The following RBFOX1 variants were observed in gnomAD, a reference collection of about 807,000 sequenced individuals.
The protein encoded by RBFOX1 is RNA binding protein fox-1 homolog 1.
Under a neutral mutation model 57.7 loss-of-function variants are expected in RBFOX1, and 8 were observed. The observed-to-expected ratio is 0.14, with a 90% CI of 0.08 to 0.25. RBFOX1 has a LOEUF of 0.25. Ranked by LOEUF, RBFOX1 falls within the 10% of genes least tolerant of loss-of-function variation. The pLI is 1.00. For synonymous variants in RBFOX1, 326 were observed against 222.4 expected (o/e 1.47, Z -4.15); for missense variants, 611 against 548.5 (o/e 1.11, Z -1.14).
At chr16:7,291,083 T>C (rs2095761891) in intron 4 of RBFOX1, among the ~76,000 whole-genome samples, 2 of 152,210 alleles carry the variant, frequency 1.3e-5, no homozygotes, top group Admixed American at 1.3e-4. Context: ...TTGGAGATGT[T>C]TTAACATGCA....
chr16:7,663,485 CGTGTGTGTGTCAGTACAGCGTGTGTGT>C (rs1368835589), intron 12 of RBFOX1, among the ~76,000 whole-genome samples: 1 of 148,652 alleles, frequency 6.7e-6, no homozygotes, highest in African/African-American at 2.5e-5. Context: ...GTCACAGCTG[CGTGTGTGTGTCAGTACAGCGTGTGTGT>C]GTGTGTGTGT....
chr16:7,004,584 T>C (rs1171793367), intron 3 of RBFOX1, among the ~76,000 whole-genome samples: 1 of 152,226 alleles, frequency 6.6e-6, no homozygotes, highest in Admixed American at 6.5e-5. Flanking sequence ...ATTAGTACAA[T>C]GAATTTCTAT....
intron 1 of RBFOX1, among the ~76,000 whole-genome samples, chr16:6,287,537 A>G (rs1001132864): frequency 6.6e-6 from 1 of 152,202 alleles, no homozygotes; most frequent in Non-Finnish European, 1.5e-5. Flanking sequence ...CTCATCTAGC[A>G]TCATTCTCAC....
chr16:7,586,504 A>T (rs978341643), intron 6 of RBFOX1, among the ~76,000 whole-genome samples: 1 of 152,242 alleles, frequency 6.6e-6, no homozygotes, highest in Non-Finnish European at 1.5e-5. Context: ...ATTAAGTATA[A>T]GTATGTCCCA....
intron 4 of RBFOX1, among the ~76,000 whole-genome samples, chr16:7,153,989 T>C (rs1483015128): frequency 6.6e-6 from 1 of 152,190 alleles, no homozygotes; most frequent in Non-Finnish European, 1.5e-5. Flanking sequence ...GACATCTGTG[T>C]GGATTTGATT....
chr16:7,371,148 C>T (rs2097558629), intron 4 of RBFOX1, among the ~76,000 whole-genome samples: 1 of 152,192 alleles, frequency 6.6e-6, no homozygotes. Flanking sequence ...TCTCCTTCTG[C>T]CCTTCTCCCT....
intron 1 of RBFOX1, among the ~76,000 whole-genome samples, chr16:6,202,710 G>A (rs1049542350): frequency 2.0e-5 from 3 of 152,078 alleles, no homozygotes; most frequent in Non-Finnish European, 4.4e-5. Context: ...AATCAATGCT[G>A]TATATTTGTA....
At chr16:7,309,957 C>G (rs1236740509) in intron 4 of RBFOX1, among the ~76,000 whole-genome samples, 1 of 152,206 alleles carries the variant, frequency 6.6e-6, no homozygotes, top group Non-Finnish European at 1.5e-5. Flanking sequence ...AAAGAAAGTT[C>G]CATTCATCAA....
chr16:6,596,574 G>A (rs144275693), intron 2 of RBFOX1, among the ~76,000 whole-genome samples: 140 of 143,266 alleles, frequency 9.8e-4, no homozygotes, highest in African/African-American at 4.2e-3. Context: ...TAAGAGATGG[G>A]TAATTCTTAA....
intron 5 of RBFOX1, among the ~76,000 whole-genome samples, chr16:7,518,675 A>G (rs569394750): frequency 6.6e-6 from 1 of 152,168 alleles, no homozygotes; most frequent in Admixed American, 6.5e-5. Context: ...TGTCATCCCA[A>G]TGAAATCTCA....
intron 1 of RBFOX1, among the ~76,000 whole-genome samples, chr16:5,394,320 C>G (rs1302635667): frequency 6.6e-6 from 1 of 152,170 alleles, no homozygotes; most frequent in Non-Finnish European, 1.5e-5. Flanking sequence ...TTGCGCCCAG[C>G]CAGCCATTTC....
At chr16:7,433,311 G>A (rs1304265306) in intron 4 of RBFOX1, among the ~76,000 whole-genome samples, 4 of 152,192 alleles carry the variant, frequency 2.6e-5, no homozygotes, top group African/African-American at 9.7e-5. Context: ...CTCTTAGTTT[G>A]CATTCTCCAC....
Position 6,700,077 on chromosome 16 carries a change from C to A in RBFOX1, c.-16+45427C>A, listed in dbSNP as rs73535684. On this transcript the variant is annotated intron_variant, in intron 3 of 15. Transcript: ENST00000550418. ...CTCTCTCTCATCAAATACTCTCCCCCACTCACCGTAGCATCCCTGAATAAA... is the reference window on the plus strand; with the variant it reads ...CTCTCTCTCATCAAATACTCTCCCCAACTCACCGTAGCATCCCTGAATAAA... Among the ~76,000 whole-genome samples, 1,163 of 152,204 alleles carry A rather than the reference C, an allele frequency of 7.6e-3. 17 individuals are homozygous for A. The highest frequency in any genetic ancestry group is 0.026 in the African/African-American group (1,090 of 41,528).
chr16:7,186,808 T>A (rs1001201538), intron 4 of RBFOX1, among the ~76,000 whole-genome samples: 8 of 151,220 alleles, frequency 5.3e-5, no homozygotes, highest in African/African-American at 1.9e-4. Flanking sequence ...GTATCCAGTC[T>A]GTATTAAAAT....
In RBFOX1 at chr16:6,506,062, G is replaced by A. The variant is rs534473752; in HGVS notation, c.-63-148541G>A. ...AAAGATTCCTGATTCTAGCAAAGCA[G>A]TTAGCAAAGGTGCACCCTTGCATAT... On this transcript the variant is annotated intron_variant, in intron 2 of 15. Transcript: ENST00000550418. Among the ~76,000 whole-genome samples, 10 of 152,318 alleles carry A rather than the reference G, an allele frequency of 6.6e-5. 1 individual carries two copies. The South Asian group carries it at 2.1e-3, about 32-fold the overall frequency.
Position 6,652,879 on chromosome 16 carries a change from A to G in RBFOX1, c.-63-1724A>G, listed in dbSNP as rs1438262878. Among the ~76,000 whole-genome samples, 11 of 152,210 alleles carry G rather than the reference A, an allele frequency of 7.2e-5. No homozygotes were observed. In the East Asian group the frequency reaches 2.1e-3, roughly 29 times the overall value. On this transcript the variant is annotated intron_variant, in intron 2 of 15. Transcript: ENST00000550418. ...TATGGGTAATGCCCCAGAACTGTGC[A>G]CCTACCATGGTAAAATTGTTAATGA...
intron 2 of RBFOX1, chr16:6,483,956 T>G: frequency 2.9e-6 from 3 of 1,043,840 alleles, no homozygotes; most frequent in Non-Finnish European, 3.5e-6. Context: ...TCGGAGACTG[T>G]GCTCAGGGCT....
At chr16:5,918,679 C>T (rs1819547735) in intron 4 of RBFOX1, among the ~76,000 whole-genome samples, 1 of 152,184 alleles carries the variant, frequency 6.6e-6, no homozygotes, top group African/African-American at 2.4e-5. Context: ...TGAACTCATT[C>T]AGTTAACCAA....
chr16:6,751,744 A>T (rs1568460709), intron 3 of RBFOX1, among the ~76,000 whole-genome samples: 1 of 152,202 alleles, frequency 6.6e-6, no homozygotes, highest in East Asian at 1.9e-4. Context: ...CAGGAATTGA[A>T]CCTGCGTTGT....
Sources: gnomAD v4.1 joint callset for allele counts (sites outside exome capture counted in the v4.1 genomes callset) on GRCh38, gnomAD v4.1.1 for gene constraint, MANE v1.5 for transcripts, NCBI Gene and HGNC (gene_info 2026-07-23, HGNC 2026-07-21) for gene names.